Variants in SYNPO2 observed in about 807,000 individuals in gnomAD.
SYNPO2 encodes synaptopodin 2.
Under a neutral mutation model 85.0 loss-of-function variants are expected in SYNPO2, and 56 were observed. The observed-to-expected ratio is 0.66, with a 90% CI of 0.53 to 0.82. SYNPO2 has a LOEUF of 0.82. Among genes scored for constraint, SYNPO2 ranks in the 40% least tolerant of loss-of-function variants. The probability of loss-of-function intolerance (pLI) is 0.00; values close to 1 mark genes in which losing one functional copy is unlikely to be tolerated. For synonymous variants in SYNPO2, 602 were observed against 591.1 expected, an observed-to-expected ratio of 1.02 and a Z score of -0.27; for missense variants, 1,575 against 1,534.2, an observed-to-expected ratio of 1.03 and a Z score of -0.44.
rs1487488407 is a variant in SYNPO2, at chr4:119,057,389, CA to C, written c.3253-11del. 1 of 1,551,414 alleles carries C rather than the reference CA, an allele frequency of 6.4e-7. No homozygotes were observed. Among genetic ancestry groups the C allele is most frequent in the African/African-American group, 1.4e-5 (1 of 72,372 alleles). On this transcript the variant is annotated splice_polypyrimidine_tract_variant and intron_variant, in intron 4 of 4. Transcript: ENST00000307142. ...AATGAATGAGATATATTAATATTTT[CA>C]TTGTTTTTAGGAGAGTGGGCGCTCC...
At chr4:118,858,016 G>A (rs989649969) in intron 1 of SYNPO2, among the ~76,000 whole-genome samples, 15 of 152,132 alleles carry the variant, frequency 9.9e-5, no homozygotes, top group South Asian at 2.1e-4. Context: ...CTTTCTGGCC[G>A]TTAAGTTCTC....
intron 1 of SYNPO2, among the ~76,000 whole-genome samples, chr4:118,852,224 T>C (rs1578499241): frequency 6.6e-6 from 1 of 152,242 alleles, no homozygotes; most frequent in East Asian, 1.9e-4. Context: ...AAATAACAGA[T>C]CCTGGAGAGA....
intron 1 of SYNPO2, among the ~76,000 whole-genome samples, chr4:118,879,789 G>C (rs991847752): frequency 1.3e-5 from 2 of 152,082 alleles, no homozygotes; most frequent in Admixed American, 6.5e-5. Flanking sequence ...AGTCAGGTAC[G>C]TAACTGCAAC....
intron 1 of SYNPO2, among the ~76,000 whole-genome samples, chr4:118,898,895 C>T (rs1191405509): frequency 6.6e-6 from 1 of 152,224 alleles, no homozygotes; most frequent in Non-Finnish European, 1.5e-5. Context: ...CTGCTGTGTC[C>T]TTGGCTGGAA....
intron 1 of SYNPO2, among the ~76,000 whole-genome samples, chr4:118,936,658 G>C (rs77155619): frequency 0.031 from 4,752 of 152,102 alleles, 136 homozygotes; most frequent in East Asian, 0.14. Context: ...CTGTTCTATG[G>C]GGGTAGACAG....
rs556759860 is a variant in SYNPO2, at chr4:119,020,450, G to A, written c.106-2980G>A. Among the ~76,000 whole-genome samples, 91 of 152,266 alleles carry A rather than the reference G, an allele frequency of 6.0e-4. 1 individual carries two copies. Among genetic ancestry groups the A allele is most frequent in the African/African-American group, 2.0e-3 (84 of 41,560 alleles). ...TTTCCTATCATGCAACACATGTTTGGATAACAGGCAGCTCTGTAAAGTTGG... is the reference window on the plus strand; with the variant it reads ...TTTCCTATCATGCAACACATGTTTGAATAACAGGCAGCTCTGTAAAGTTGG... On this transcript the variant is annotated intron_variant, in intron 1 of 4. Transcript: ENST00000307142.
chr4:118,972,434 A>G (rs1194677957), intron 1 of SYNPO2, among the ~76,000 whole-genome samples: 1 of 152,148 alleles, frequency 6.6e-6, no homozygotes, highest in Non-Finnish European at 1.5e-5. Context: ...ACAAAGGGAG[A>G]CCCTGTCTCA....
chr4:118,940,174 C>T (rs4834726), intron 1 of SYNPO2, among the ~76,000 whole-genome samples: 112,921 of 151,572 alleles, frequency 0.74, 44,006 homozygotes, highest in South Asian at 0.89. Flanking sequence ...TTAGTAGAGA[C>T]GGGGTTTCAC....
intron 1 of SYNPO2, among the ~76,000 whole-genome samples, chr4:118,923,445 G>A (rs57021447): frequency 0.22 from 33,554 of 151,936 alleles, 3,841 homozygotes; most frequent in African/African-American, 0.29. Context: ...ACCAGGTACT[G>A]TGCTTATTAC....
At chr4:118,939,070 G>T (rs1301449468) in intron 1 of SYNPO2, among the ~76,000 whole-genome samples, 1 of 152,132 alleles carries the variant, frequency 6.6e-6, no homozygotes, top group Non-Finnish European at 1.5e-5. Flanking sequence ...ACCTTCCTTT[G>T]GGTAAATATT....
In SYNPO2 at chr4:119,058,080, G is replaced by A. The variant is rs1739273744; in HGVS notation, c.*146G>A. On this transcript the variant is annotated 3_prime_UTR_variant, in exon 5 of 5. Coordinates refer to ENST00000307142, the MANE Select transcript of SYNPO2 (RefSeq NM_133477.3). ...CATTTATCTAAGTTTGTGTTTCTGT[G>A]TGTGTGTGTGTGTGTGTATGTATGT... 1 of 429,612 alleles carries A rather than the reference G, an allele frequency of 2.3e-6. No individual in the cohort carries two copies. Among genetic ancestry groups the A allele is most frequent in the African/African-American group, 2.7e-5 (1 of 37,398 alleles). 26.6% of individuals were successfully genotyped at this position (429,612 alleles called of 1,614,324 possible). A position where few individuals can be genotyped will look rare whatever the true frequency, so the allele number is the denominator to read the frequency against.
intron 1 of SYNPO2, among the ~76,000 whole-genome samples, chr4:118,989,924 A>C (rs74624565): frequency 0.088 from 13,376 of 152,282 alleles, 718 homozygotes; most frequent in East Asian, 0.12. Flanking sequence ...TCACTCATTC[A>C]TGTACTCTCT....
intron 4 of SYNPO2, among the ~76,000 whole-genome samples, chr4:119,054,688 C>T (rs1343703705): frequency 6.6e-6 from 1 of 151,930 alleles, no homozygotes; most frequent in Admixed American, 6.6e-5. Flanking sequence ...TGGGGTGGGC[C>T]GCAGGTAGTT....
At chr4:119,036,789 T>C in intron 4 of SYNPO2, 1 of 1,007,248 alleles carries the variant, frequency 9.9e-7, no homozygotes. Flanking sequence ...TACACCTAAC[T>C]ACCTGGCACT....
intron 1 of SYNPO2, among the ~76,000 whole-genome samples, chr4:118,878,368 T>G (rs1381782689): frequency 6.6e-6 from 1 of 152,086 alleles, no homozygotes; most frequent in Non-Finnish European, 1.5e-5. Flanking sequence ...AGTTAAAAAA[T>G]AAATAAGATG....
intron 1 of SYNPO2, among the ~76,000 whole-genome samples, chr4:118,864,966 A>C (rs1731675892): frequency 6.6e-6 from 1 of 152,236 alleles, no homozygotes; most frequent in Non-Finnish European, 1.5e-5. Context: ...TTGAAAAGCA[A>C]ATATGAATAT....
Position 119,029,977 on chromosome 4 carries a change from G to C in SYNPO2, c.1202G>C (p.Arg401Pro). 6.2e-7 allele frequency: 1 copy of C among 1,614,088 alleles called. No homozygotes were observed. The highest frequency in any genetic ancestry group is 8.5e-7 in the Non-Finnish European group (1 of 1,180,018). ...GGGGTGTTGATGTTTAAGAAGCGAC[G>C]TCGGAGGGCCAGGAAATACACCCTA... ...SKGVLMFKKR[R>P]RRARKYTLVS... Residue 401 changes from arginine (R) to proline (P), a missense_variant, in exon 4 of 5, where the codon CGT becomes CCT. By Grantham distance (103) the Arg-to-Pro change is moderately radical. This residue lies in a region of SYNPO2 where 1,508 missense variants were observed against 1,446.8 expected (regional missense o/e 1.04). Coordinates refer to ENST00000307142, the MANE Select transcript of SYNPO2 (RefSeq NM_133477.3).
At chr4:118,868,263 A>AT (rs1465789655) in intron 1 of SYNPO2, among the ~76,000 whole-genome samples, 1 of 152,066 alleles carries the variant, frequency 6.6e-6, no homozygotes, top group Non-Finnish European at 1.5e-5. Flanking sequence ...TGATTATTGG[A>AT]TTTTTTAAAA....
intron 1 of SYNPO2, among the ~76,000 whole-genome samples, chr4:118,953,775 T>A (rs1734774860): frequency 6.6e-6 from 1 of 152,174 alleles, no homozygotes; most frequent in Admixed American, 6.5e-5. Context: ...AGATCACCAG[T>A]GTGAAGCTCA....
Sources: gnomAD v4.1 joint callset for allele counts (sites outside exome capture counted in the v4.1 genomes callset) on GRCh38, gnomAD v4.1.1 for gene constraint, gnomAD v4.1.1 regional missense constraint, MANE v1.5 for transcripts, NCBI Gene and HGNC (gene_info 2026-07-23, HGNC 2026-07-21) for gene names.